Variants in ST3GAL3 observed in about 807,000 individuals in gnomAD.
ST3GAL3 encodes the protein ST3 beta-galactoside alpha-2,3-sialyltransferase 3, also known as CMP-N-acetylneuraminate-beta-1,4-galactoside alpha-2,3-sialyltransferase.
Under a neutral mutation model 50.1 loss-of-function variants are expected in ST3GAL3, and 21 were observed. The ratio of observed to expected loss-of-function variants is 0.42; its 90% CI spans 0.30 to 0.60. The LOEUF (loss-of-function observed/expected upper bound fraction) is 0.60. Ranked by LOEUF, ST3GAL3 falls within the 20% of genes least tolerant of loss-of-function variation. The pLI, the probability that ST3GAL3 is intolerant of heterozygous loss-of-function variation, is 0.19. For synonymous variants in ST3GAL3, 183 were observed against 190.0 expected, an observed-to-expected ratio of 0.96 and a Z score of 0.30; for missense variants, 353 against 489.4, an observed-to-expected ratio of 0.72 and a Z score of 2.63.
chr1:43,815,095 T>C lies in ST3GAL3; in HGVS notation c.209+162T>C. On this transcript the variant is annotated intron_variant, in intron 4 of 11. Coordinates refer to ENST00000347631, the MANE Select transcript of ST3GAL3 (RefSeq NM_006279.5). ...CAGAATCTTGGGGCATGTTACAGTC[T>C]GCAGCGGCCAGAGAGGGTGGGATGA... is the stretch of plus-strand genomic sequence containing the variant. 3.9e-6 allele frequency: 3 copies of C among 773,052 alleles called. No individual in the cohort carries two copies. The Admixed American group carries it at 5.6e-5, about 14-fold the overall frequency. 47.9% of individuals were successfully genotyped at this position (773,052 alleles called of 1,614,324 possible).
intron 1 of ST3GAL3, among the ~76,000 whole-genome samples, chr1:43,718,186 T>TC (rs1668400905): frequency 6.4e-5 from 1 of 15,640 alleles, no homozygotes; most frequent in South Asian, 1.0e-3. Flanking sequence ...TCATTAAATC[T>TC]TTTTTTTTTT....
intron 2 of ST3GAL3, among the ~76,000 whole-genome samples, chr1:43,742,979 TC>T: frequency 6.6e-6 from 1 of 151,770 alleles, no homozygotes; most frequent in East Asian, 1.9e-4. Context: ...GTGCCTGTAG[TC>T]CCAGCTGCTT....
At chr1:43,806,753 A>G (rs968185779) in intron 3 of ST3GAL3, among the ~76,000 whole-genome samples, 2 of 152,196 alleles carry the variant, frequency 1.3e-5, no homozygotes, top group African/African-American at 4.8e-5. Context: ...GCAGCAGTGC[A>G]GTCATGGCTC....
intron 5 of ST3GAL3, among the ~76,000 whole-genome samples, chr1:43,862,039 A>G (rs1261834942): frequency 2.0e-5 from 3 of 152,042 alleles, no homozygotes; most frequent in Non-Finnish European, 4.4e-5. Flanking sequence ...AAAAAAAAAA[A>G]AAAAAAAGAG....
chr1:43,892,532 TTA>T, intron 5 of ST3GAL3, among the ~76,000 whole-genome samples: 1 of 152,338 alleles, frequency 6.6e-6, no homozygotes, highest in South Asian at 2.1e-4. Flanking sequence ...TTTTTATTTT[TTA>T]TGTGTGCTTG....
chr1:43,846,647 T>C (rs2066303905), intron 5 of ST3GAL3, among the ~76,000 whole-genome samples: 1 of 152,150 alleles, frequency 6.6e-6, no homozygotes, highest in South Asian at 2.1e-4. Flanking sequence ...CACAAACACA[T>C]GTCACCGTAC....
intron 9 of ST3GAL3, chr1:43,914,592 T>G (rs967754527): frequency 1.3e-5 from 2 of 152,214 alleles, no homozygotes; most frequent in African/African-American, 2.4e-5. Flanking sequence ...GATCTGTACC[T>G]GTGAAGTGGG....
At chr1:43,744,196 C>G (rs944168564) in intron 2 of ST3GAL3, among the ~76,000 whole-genome samples, 2 of 152,006 alleles carry the variant, frequency 1.3e-5, no homozygotes, top group Non-Finnish European at 2.9e-5. Flanking sequence ...AGAAGTCTGT[C>G]TTTAAGGCGG....
At chr1:43,808,084 A>C (rs1193766457) in intron 3 of ST3GAL3, among the ~76,000 whole-genome samples, 1 of 152,150 alleles carries the variant, frequency 6.6e-6, no homozygotes. Flanking sequence ...CAGGTGGATC[A>C]TGAGGTCAGG....
intron 11 of ST3GAL3, among the ~76,000 whole-genome samples, chr1:43,924,469 C>T (rs1177497293): frequency 3.3e-5 from 5 of 152,232 alleles, no homozygotes; most frequent in Non-Finnish European, 5.9e-5. Context: ...ATGGCCAAAT[C>T]GCAATGGGCT....
chr1:43,857,655 G>A (rs888750939), intron 5 of ST3GAL3, among the ~76,000 whole-genome samples: 10 of 138,428 alleles, frequency 7.2e-5, no homozygotes, highest in East Asian at 2.2e-4. Flanking sequence ...TTGCTCTGTC[G>A]CCCAGGCTGG....
chr1:43,775,139 A>G (rs78699403), intron 2 of ST3GAL3, among the ~76,000 whole-genome samples: 2,185 of 152,256 alleles, frequency 0.014, 55 homozygotes, highest in African/African-American at 0.05. Context: ...TTGTATATCA[A>G]TTTATAAAGA....
intron 5 of ST3GAL3, chr1:43,838,751 A>C (rs2154197922): frequency 3.8e-6 from 1 of 266,238 alleles, no homozygotes; most frequent in Admixed American, 4.6e-5. Context: ...GAGTTTTAGC[A>C]CTTTCCTTCT....
At chr1:43,898,382 C>T in intron 7 of ST3GAL3, 84 bp downstream of exon 7, 1 of 1,414,692 alleles carries the variant, frequency 7.1e-7, no homozygotes, top group Non-Finnish European at 9.9e-7. Context: ...CTTCCCTGGA[C>T]ATGGGCAGTT....
At chr1:43,852,743 G>A (rs1002871845) in intron 5 of ST3GAL3, among the ~76,000 whole-genome samples, 1 of 152,226 alleles carries the variant, frequency 6.6e-6, no homozygotes, top group African/African-American at 2.4e-5. Flanking sequence ...TTTGGAGACT[G>A]AAAGTTCTCA....
Position 43,736,254 on chromosome 1 carries a change from C to G in ST3GAL3, c.-9C>G, listed in dbSNP as rs1358066952. On this transcript the variant is annotated 5_prime_UTR_variant, in exon 2 of 12. The change creates a new upstream start codon in the 5' untranslated region. Coordinates refer to ENST00000347631, the MANE Select transcript of ST3GAL3 (RefSeq NM_006279.5). ...CTAGGTCATTTAGGAAATCGTAAAT[C>G]ATGTGAAGATGGGACTCTTGGTATT... The G allele has an allele frequency of 6.2e-7, 1 of 1,614,104 alleles. No individual in the cohort carries two copies. The highest frequency in any genetic ancestry group is 8.5e-7 in the Non-Finnish European group (1 of 1,180,002).
intron 11 of ST3GAL3, among the ~76,000 whole-genome samples, chr1:43,923,625 TTTC>T (rs1451172402): frequency 1.3e-5 from 2 of 152,086 alleles, no homozygotes; most frequent in East Asian, 3.8e-4. Context: ...GTCTCTCTCT[TTTC>T]TTTTTGAGAT....
At chr1:43,897,349 A>G (rs1438685903) in intron 6 of ST3GAL3, among the ~76,000 whole-genome samples, 2 of 152,126 alleles carry the variant, frequency 1.3e-5, no homozygotes, top group Non-Finnish European at 2.9e-5. Flanking sequence ...CTTCCTAACA[A>G]CTCCACAAAA....
chr1:43,821,190 A>C (rs2062044625), intron 4 of ST3GAL3, among the ~76,000 whole-genome samples: 1 of 152,228 alleles, frequency 6.6e-6, no homozygotes, highest in Non-Finnish European at 1.5e-5. Flanking sequence ...GAAGCGAATG[A>C]GAACAGGAAG....
Sources: gnomAD v4.1 joint callset for allele counts (sites outside exome capture counted in the v4.1 genomes callset) on GRCh38, gnomAD v4.1.1 for gene constraint, MANE v1.5 for transcripts, NCBI Gene and HGNC (gene_info 2026-07-23, HGNC 2026-07-21) for gene names.